SEZ6L: variants seen among roughly 807,000 people sequenced by gnomAD.
SEZ6L encodes the protein seizure 6-like protein.
SEZ6L carries 37 observed loss-of-function variants against 106.2 expected under a neutral mutation model. The ratio of observed to expected loss-of-function variants is 0.35; its 90% confidence interval spans 0.27 to 0.46. The LOEUF is 0.46. Among genes scored for constraint, SEZ6L ranks in the 20% least tolerant of loss-of-function variants. The pLI, the probability that SEZ6L is intolerant of heterozygous loss-of-function variation, is 1.00. For synonymous variants in SEZ6L, 541 were observed against 570.4 expected (o/e 0.95, Z 0.73); for missense variants, 1,172 against 1,332.8 (o/e 0.88, Z 1.88).
chr22:26,258,585 T>C (rs932810403), intron 1 of SEZ6L, among the ~76,000 whole-genome samples: 1 of 152,198 alleles, frequency 6.6e-6, no homozygotes, highest in Non-Finnish European at 1.5e-5. Context: ...TTTTTTTCTG[T>C]GTTTAAATGA....
At chr22:26,222,315 A>G (rs2078501788) in intron 1 of SEZ6L, among the ~76,000 whole-genome samples, 1 of 152,204 alleles carries the variant, frequency 6.6e-6, no homozygotes, top group African/African-American at 2.4e-5. Flanking sequence ...CAGATGGAGC[A>G]AGTGAGGCAC....
Position 26,348,549 on chromosome 22 carries a change from G to A in SEZ6L, c.2407+636G>A, listed in dbSNP as rs1299270786. ...AGGAAGGAAGGAAGGAAGGAAGGAAGGAAGGAAGGAAGGGAGGAAAGAAAG... is the reference window on the plus strand; with the variant it reads ...AGGAAGGAAGGAAGGAAGGAAGGAAAGAAGGAAGGAAGGGAGGAAAGAAAG... On this transcript the variant is annotated intron_variant, in intron 11 of 16. Transcript: ENST00000248933. 2.0e-4 allele frequency among the ~76,000 whole-genome samples: 13 copies of A among 66,118 alleles called. 1 individual carries two copies. Among genetic ancestry groups the A allele is most frequent in the Admixed American group, 3.8e-4 (2 of 5,238 alleles). The allele number at this position is 66,118 out of a possible 152,430, so 43.4% of individuals were successfully genotyped here. A position where few individuals can be genotyped will look rare whatever the true frequency, so the allele number is the denominator to read the frequency against.
chr22:26,347,841 A>T lies in SEZ6L; in HGVS notation c.2335A>T (p.Ile779Phe). 1 of 1,603,408 alleles carries T rather than the reference A, an allele frequency of 6.2e-7. No homozygotes were observed. The highest frequency in any genetic ancestry group is 8.5e-7 in the Non-Finnish European group (1 of 1,176,536). Residue 779 changes from isoleucine (I) to phenylalanine (F), a missense_variant, in exon 11 of 17, where the codon ATC (isoleucine) becomes TTC (phenylalanine). Coordinates refer to ENST00000248933, the MANE Select transcript of SEZ6L (RefSeq NM_021115.5). ...CTACCAGTGTGACCCCGGCTATGAC[A>T]TCGTGGGGAGTGACACCCTCACCTG... ...ITYQCDPGYD[I>F]VGSDTLTCQW...
chr22:26,274,712 A>C (rs914344476), intron 1 of SEZ6L, among the ~76,000 whole-genome samples: 29 of 152,214 alleles, frequency 1.9e-4, no homozygotes, highest in Admixed American at 1.8e-3. Flanking sequence ...AGAGTCCTAG[A>C]AACCAGGCAC....
chr22:26,285,868 A>T (rs1003715817), intron 1 of SEZ6L, among the ~76,000 whole-genome samples: 7 of 152,252 alleles, frequency 4.6e-5, no homozygotes, highest in Admixed American at 3.3e-4. Context: ...TGCTGCTGAT[A>T]TGCTGTGTTG....
chr22:26,345,566 A>G lies in SEZ6L; in HGVS notation c.2213-2153A>G, dbSNP rs538364256. On this transcript the variant is annotated intron_variant, in intron 10 of 16. Coordinates refer to ENST00000248933, the MANE Select transcript of SEZ6L (RefSeq NM_021115.5). ...CTTGGCTGATTTTTCAGAGGCCTAA[A>G]AATAGAGGCTCCTGTCCCCCCACCA... 9.2e-5 allele frequency among the ~76,000 whole-genome samples: 14 copies of G among 152,296 alleles called. No homozygotes were observed. In the East Asian group the frequency reaches 9.6e-4, roughly 10 times the overall value.
At chr22:26,348,650 G>A (rs867098368) in intron 11 of SEZ6L, among the ~76,000 whole-genome samples, 178 of 18,812 alleles carry the variant, frequency 9.5e-3, no homozygotes, top group Non-Finnish European at 0.013. Context: ...GAAAGAAAAA[G>A]AAAGAAAGAA....
intron 1 of SEZ6L, among the ~76,000 whole-genome samples, chr22:26,229,079 C>A (rs1301450554): frequency 6.6e-6 from 1 of 152,198 alleles, no homozygotes; most frequent in Non-Finnish European, 1.5e-5. Context: ...TCACTGCAAC[C>A]TCTGCTTCCC....
chr22:26,370,837 C>G (rs1044059876), intron 13 of SEZ6L, among the ~76,000 whole-genome samples: 1 of 151,904 alleles, frequency 6.6e-6, no homozygotes, highest in Non-Finnish European at 1.5e-5. Context: ...GACCTCATTT[C>G]TACAAAAAAT....
intron 12 of SEZ6L, among the ~76,000 whole-genome samples, chr22:26,363,965 T>TTA (rs1274776704): frequency 1.3e-5 from 2 of 152,164 alleles, no homozygotes; most frequent in Non-Finnish European, 2.9e-5. Context: ...GCTGTGAACT[T>TTA]CATAGAGACA....
At chr22:26,225,849 A>G (rs1034123798) in intron 1 of SEZ6L, among the ~76,000 whole-genome samples, 2 of 152,056 alleles carry the variant, frequency 1.3e-5, no homozygotes, top group African/African-American at 4.8e-5. Context: ...TCACTTCTCA[A>G]CTCAAGATTC....
chr22:26,239,552 C>G (rs2079050888), intron 1 of SEZ6L, among the ~76,000 whole-genome samples: 1 of 152,210 alleles, frequency 6.6e-6, no homozygotes, highest in South Asian at 2.1e-4. Context: ...CTCCAGTACT[C>G]TGAAACCAAA....
chr22:26,378,707 C>T (rs1470971627), intron 16 of SEZ6L, among the ~76,000 whole-genome samples: 1 of 152,100 alleles, frequency 6.6e-6, no homozygotes, highest in Non-Finnish European at 1.5e-5. Context: ...AGAGCATGTG[C>T]AAAGGTCCAG....
At chr22:26,250,798 T>A (rs562623255) in intron 1 of SEZ6L, among the ~76,000 whole-genome samples, 1 of 152,224 alleles carries the variant, frequency 6.6e-6, no homozygotes, top group Non-Finnish European at 1.5e-5. Flanking sequence ...GAATATGGGA[T>A]GTCTTTCTAT....
Position 26,260,097 on chromosome 22 carries a change from T to C in SEZ6L, c.95-32309T>C, listed in dbSNP as rs1232731215. 2.2e-4 allele frequency among the ~76,000 whole-genome samples: 34 copies of C among 152,222 alleles called. 1 individual carries two copies. The highest frequency in any genetic ancestry group is 2.2e-3 in the Admixed American group (34 of 15,276). Reference sequence around the variant, plus strand: ...CAAAGGTAAACATCAGTTTGAGGTATGCATTTGATGAATATATCCAACAAA... The same window carrying C: ...CAAAGGTAAACATCAGTTTGAGGTACGCATTTGATGAATATATCCAACAAA... On this transcript the variant is annotated intron_variant, in intron 1 of 16. Coordinates refer to ENST00000248933, the MANE Select transcript of SEZ6L (RefSeq NM_021115.5).
chr22:26,203,208 TTGAAATGAAG>T (rs1480238777), intron 1 of SEZ6L, among the ~76,000 whole-genome samples: 1 of 152,230 alleles, frequency 6.6e-6, no homozygotes, highest in African/African-American at 2.4e-5. Context: ...TAGACATTTG[TTGAAATGAAG>T]CTGTCAGTTG....
intron 9 of SEZ6L, among the ~76,000 whole-genome samples, chr22:26,328,034 G>A (rs1041411673): frequency 3.3e-5 from 5 of 152,232 alleles, no homozygotes; most frequent in Non-Finnish European, 4.4e-5. Flanking sequence ...CCTTGCTATT[G>A]AGTGGGGAAA....
At chr22:26,368,597 A>G (rs189097074) in intron 13 of SEZ6L, among the ~76,000 whole-genome samples, 4 of 152,344 alleles carry the variant, frequency 2.6e-5, no homozygotes, top group Non-Finnish European at 2.9e-5. Context: ...GGGACTGCTT[A>G]CTGAGTATGG....
intron 5 of SEZ6L, among the ~76,000 whole-genome samples, chr22:26,301,654 C>T (rs147319366): frequency 2.8e-3 from 427 of 149,866 alleles, no homozygotes; most frequent in Non-Finnish European, 5.1e-3. Context: ...CAGTGATGAG[C>T]GAAGGGTCAG....
Sources: gnomAD v4.1 joint callset for allele counts (sites outside exome capture counted in the v4.1 genomes callset) on GRCh38, gnomAD v4.1.1 for gene constraint, MANE v1.5 for transcripts, NCBI Gene and HGNC (gene_info 2026-07-23, HGNC 2026-07-21) for gene names.